The following LRP1B variants were observed in gnomAD, a reference collection of about 807,000 sequenced individuals.
The protein encoded by LRP1B is LDL receptor related protein 1B.
A neutral mutation model predicts 556.6 loss-of-function variants in LRP1B; 217 were observed. The ratio of observed to expected loss-of-function variants is 0.39; its 90% CI spans 0.35 to 0.44. The LOEUF (loss-of-function observed/expected upper bound fraction) is 0.44. Among genes scored for constraint, LRP1B ranks in the 20% least tolerant of loss-of-function variants. The pLI is 1.00. For synonymous variants in LRP1B, 2,047 were observed against 1,865.8 expected (o/e 1.10, Z -2.50); for missense variants, 5,053 against 5,620.8 (o/e 0.90, Z 3.23).
intron 41 of LRP1B, chr2:140,683,963 T>C (rs1559053385): frequency 5.7e-6 from 2 of 347,828 alleles, no homozygotes; most frequent in South Asian, 3.7e-5. Flanking sequence ...TTACTTTCAA[T>C]GGCAAAGCCC....
chr2:140,888,859 A>G (rs1693715913), intron 23 of LRP1B, among the ~76,000 whole-genome samples: 1 of 149,860 alleles, frequency 6.7e-6, no homozygotes, highest in African/African-American at 2.5e-5. Flanking sequence ...GCTACTCAGG[A>G]GGCTGAGGCA....
rs770894543 is a variant in LRP1B at position 140,908,030 on chromosome 2, C to T, written c.3367G>A (p.Glu1123Lys). The change falls in exon 22 of 91, where the codon GAA (glutamate) becomes AAA (lysine). Residue 1123 changes from glutamate to lysine, a missense_variant. This residue lies in a region of LRP1B where 3,619 missense variants were observed against 3,931.9 expected (regional missense o/e 0.92). Coordinates refer to ENST00000389484, the MANE Select transcript of LRP1B (RefSeq NM_018557.3). ...AWVCDGDIDC[E>K]DQSDEDDCDS... Reference sequence around the variant, plus strand: ...CAGTCATCTTCATCTGACTGATCTTCGCAATCAATATCTCCATCACACACC... The same window carrying T: ...CAGTCATCTTCATCTGACTGATCTTTGCAATCAATATCTCCATCACACACC... 33 of 1,613,416 alleles carry T rather than the reference C, an allele frequency of 2.0e-5. No homozygotes were observed. The highest frequency in any genetic ancestry group is 2.6e-5 in the Non-Finnish European group (31 of 1,179,632).
At chr2:141,416,895 A>G (rs1301899259) in intron 3 of LRP1B, among the ~76,000 whole-genome samples, 1 of 152,306 alleles carries the variant, frequency 6.6e-6, no homozygotes, top group East Asian at 1.9e-4. Context: ...TGTCTTTCAA[A>G]TTGAAATTCT....
intron 2 of LRP1B, among the ~76,000 whole-genome samples, chr2:141,505,731 T>C (rs1683904017): frequency 6.6e-6 from 1 of 152,086 alleles, no homozygotes; most frequent in Non-Finnish European, 1.5e-5. Flanking sequence ...ATTTGTTTTC[T>C]GAGACTTAGT....
At chr2:141,338,012 T>C (rs1687909891) in intron 3 of LRP1B, among the ~76,000 whole-genome samples, 1 of 152,194 alleles carries the variant, frequency 6.6e-6, no homozygotes, top group Admixed American at 6.5e-5. Context: ...GATATTTTAA[T>C]GCTAGCAGGC....
chr2:141,565,774 T>G, intron 2 of LRP1B, among the ~76,000 whole-genome samples: 1 of 152,356 alleles, frequency 6.6e-6, no homozygotes, highest in South Asian at 2.1e-4. Context: ...GGTACACTGT[T>G]TGTATATTTA....
rs1028432333 is a variant in LRP1B at position 141,558,537 on chromosome 2, A to G, written c.206-78004T>C. Among the ~76,000 whole-genome samples the G allele has an allele frequency of 6.6e-5, 10 of 151,916 alleles. No homozygotes were observed. The East Asian group carries it at 1.9e-3, about 29-fold the overall frequency. On this transcript the variant is annotated intron_variant, in intron 2 of 90. Transcript: ENST00000389484. ...ACAAATTCATAGCAAAATTATGACT[A>G]TGTCTTGGGTAGCCCTACAGAGCAT...
chr2:141,673,482 T>C (rs571226043), intron 2 of LRP1B, among the ~76,000 whole-genome samples: 1 of 152,256 alleles, frequency 6.6e-6, no homozygotes, highest in African/African-American at 2.4e-5. Context: ...AACTCTCAAA[T>C]CTGTATCATT....
At chr2:141,410,327 CA>C (rs1468960387) in intron 3 of LRP1B, among the ~76,000 whole-genome samples, 1 of 151,870 alleles carries the variant, frequency 6.6e-6, no homozygotes, top group Non-Finnish European at 1.5e-5. Flanking sequence ...TAAAAGAAAA[CA>C]AAACCACCAA....
At chr2:141,571,249 A>T (rs1686517626) in intron 2 of LRP1B, among the ~76,000 whole-genome samples, 1 of 150,944 alleles carries the variant, frequency 6.6e-6, no homozygotes, top group Admixed American at 6.6e-5. Context: ...TGACATCTCC[A>T]GGCACAGGAG....
At chr2:140,644,819 A>C (rs913959906) in intron 41 of LRP1B, among the ~76,000 whole-genome samples, 1 of 152,118 alleles carries the variant, frequency 6.6e-6, no homozygotes, top group Admixed American at 6.5e-5. Context: ...GTATTTACAG[A>C]GATGTTAAAG....
chr2:141,505,397 T>C (rs1226998508), intron 2 of LRP1B, among the ~76,000 whole-genome samples: 1 of 152,092 alleles, frequency 6.6e-6, no homozygotes, highest in East Asian at 1.9e-4. Context: ...ACACACATAC[T>C]TCTGGCATCC....
chr2:140,854,060 TAAA>T (rs33945219), intron 27 of LRP1B, among the ~76,000 whole-genome samples: 32 of 108,830 alleles, frequency 2.9e-4, no homozygotes, highest in African/African-American at 4.3e-4. Flanking sequence ...CATATCTGAA[TAAA>T]AAAAAAAAAA....
chr2:140,407,631 C>T (rs1191522248), intron 66 of LRP1B, among the ~76,000 whole-genome samples: 1 of 151,980 alleles, frequency 6.6e-6, no homozygotes, highest in African/African-American at 2.4e-5. Context: ...CATTGAGATA[C>T]CACCTCACTC....
At position 140,673,043 on chromosome 2, in the gene LRP1B, T is replaced by C. The variant is rs901846878; in HGVS notation, c.6799+27207A>G. On this transcript the variant is annotated intron_variant, in intron 41 of 90. Coordinates refer to ENST00000389484, the MANE Select transcript of LRP1B (RefSeq NM_018557.3). Reference sequence around the variant, plus strand: ...AGTGAATCTTCTAATTTTAGTGTCATTTGCAATCTGGACAGATTGAGAATT... The same window carrying C: ...AGTGAATCTTCTAATTTTAGTGTCACTTGCAATCTGGACAGATTGAGAATT... 2.0e-5 allele frequency among the ~76,000 whole-genome samples: 3 copies of C among 152,216 alleles called. No homozygotes were observed. The East Asian group carries it at 5.8e-4, about 29-fold the overall frequency.
intron 32 of LRP1B, among the ~76,000 whole-genome samples, chr2:140,802,470 G>A (rs546726240): frequency 6.0e-4 from 92 of 152,154 alleles, no homozygotes; most frequent in Admixed American, 1.3e-3. Flanking sequence ...AATTATCCAC[G>A]AATATAATTG....
At chr2:140,801,282 A>G (rs534924717) in intron 32 of LRP1B, among the ~76,000 whole-genome samples, 2 of 152,206 alleles carry the variant, frequency 1.3e-5, no homozygotes, top group Non-Finnish European at 2.9e-5. Flanking sequence ...CGCCAATCAC[A>G]CTGGGGTAAG....
At chr2:140,360,241 C>T (rs555917172) in intron 72 of LRP1B, among the ~76,000 whole-genome samples, 19 of 151,608 alleles carry the variant, frequency 1.3e-4, no homozygotes, top group African/African-American at 4.6e-4. Context: ...ATCCCTTGTC[C>T]CTCTCAATAT....
At chr2:140,619,404 T>C (rs1683374918) in intron 41 of LRP1B, among the ~76,000 whole-genome samples, 1 of 152,158 alleles carries the variant, frequency 6.6e-6, no homozygotes, top group Non-Finnish European at 1.5e-5. Context: ...TTAAAACATT[T>C]TGCTAGATGG....
Sources: gnomAD v4.1 joint callset for allele counts (sites outside exome capture counted in the v4.1 genomes callset) on GRCh38, gnomAD v4.1.1 for gene constraint, gnomAD v4.1.1 regional missense constraint, MANE v1.5 for transcripts, NCBI Gene and HGNC (gene_info 2026-07-23, HGNC 2026-07-21) for gene names.